Variants in SYNDIG1 observed in about 807,000 individuals in gnomAD.
SYNDIG1 encodes synapse differentiation-inducing gene protein 1.
Under a neutral mutation model 19.4 loss-of-function variants are expected in SYNDIG1, and 9 were observed. The observed-to-expected ratio is 0.46, with a 90% CI of 0.28 to 0.81. SYNDIG1 has a LOEUF of 0.81. Ranked by LOEUF, SYNDIG1 falls within the 30% of genes least tolerant of loss-of-function variation. The pLI is 0.12. For missense variants in SYNDIG1, 311 were observed against 343.3 expected, an observed-to-expected ratio of 0.91 and a Z score of 0.74; for synonymous variants, 141 against 145.9, an observed-to-expected ratio of 0.97 and a Z score of 0.24.
rs117068747 is a variant in SYNDIG1 at position 24,642,230 on chromosome 20, G to A, written c.619-23116G>A. 5.3e-3 allele frequency among the ~76,000 whole-genome samples: 810 copies of A among 152,238 alleles called. 1 individual carries two copies. The highest frequency in any genetic ancestry group is 0.014 in the Middle Eastern group (4 of 294). ...TTGCAGAGCACTGATCGGGTACATC[G>A]TGGGAGGCCCCACTGTTGAGATTGG... is the stretch of plus-strand genomic sequence containing the variant. On this transcript the variant is annotated intron_variant, in intron 3 of 3. Coordinates refer to ENST00000376862, the MANE Select transcript of SYNDIG1 (RefSeq NM_024893.3).
At chr20:24,505,291 G>C (rs2056560847) in intron 1 of SYNDIG1, among the ~76,000 whole-genome samples, 1 of 152,160 alleles carries the variant, frequency 6.6e-6, no homozygotes, top group Admixed American at 6.5e-5. Flanking sequence ...GAGCCCTGGG[G>C]AAATTCTCTC....
intron 1 of SYNDIG1, among the ~76,000 whole-genome samples, chr20:24,536,416 G>A (rs1043273297): frequency 1.3e-5 from 2 of 152,226 alleles, no homozygotes; most frequent in South Asian, 2.1e-4. Context: ...CACTGAATAT[G>A]TCATTGCCAC....
intron 3 of SYNDIG1, among the ~76,000 whole-genome samples, chr20:24,599,968 G>T (rs2058654969): frequency 6.6e-6 from 1 of 152,108 alleles, no homozygotes; most frequent in South Asian, 2.1e-4. Flanking sequence ...TCCAGAAGAT[G>T]GACACCTTAA....
intron 3 of SYNDIG1, among the ~76,000 whole-genome samples, chr20:24,613,373 C>T (rs774678050): frequency 9.2e-5 from 14 of 152,278 alleles, no homozygotes; most frequent in Admixed American, 2.0e-4. Context: ...TCTGTCCTGC[C>T]GTCTCCCTGA....
At chr20:24,537,697 A>G (rs2057389199) in intron 1 of SYNDIG1, among the ~76,000 whole-genome samples, 1 of 152,128 alleles carries the variant, frequency 6.6e-6, no homozygotes, top group Admixed American at 6.5e-5. Context: ...CTGCTGTCCC[A>G]CATCCCATGA....
chr20:24,661,553 A>C (rs2059602044), intron 3 of SYNDIG1, among the ~76,000 whole-genome samples: 2 of 50,702 alleles, frequency 3.9e-5, no homozygotes, highest in Non-Finnish European at 8.1e-5. Flanking sequence ...GGGAGGGAGG[A>C]AAAAAGAGAG....
chr20:24,555,786 T>C (rs1355704224), intron 2 of SYNDIG1, among the ~76,000 whole-genome samples: 1 of 152,180 alleles, frequency 6.6e-6, no homozygotes, highest in Non-Finnish European at 1.5e-5. Context: ...ATTCTGTTGA[T>C]TTGGGGTGGA....
chr20:24,543,267 C>G lies in SYNDIG1; in HGVS notation c.170C>G (p.Thr57Arg). ...CAGAGCCACCGGGTGGGGGCCAGCA[C>G]AGTGCCGGCCAGCCTGGACAGCAGC... ...QYQSHRVGAS[T>R]VPASLDSSRS... Residue 57 changes from threonine to arginine, a missense_variant, in exon 2 of 4, where the codon ACA (threonine) becomes AGA (arginine). By Grantham distance (71) the Thr-to-Arg change is moderately conservative (BLOSUM62 -1). Coordinates refer to ENST00000376862, the MANE Select transcript of SYNDIG1 (RefSeq NM_024893.3). The G allele has an allele frequency of 6.2e-7, 1 of 1,613,700 alleles. No homozygotes were observed. The highest frequency in any genetic ancestry group is 8.5e-7 in the Non-Finnish European group (1 of 1,180,024).
intron 1 of SYNDIG1, among the ~76,000 whole-genome samples, chr20:24,534,690 A>AG (rs767246816): frequency 2.0e-5 from 3 of 152,214 alleles, no homozygotes; most frequent in Non-Finnish European, 4.4e-5. Flanking sequence ...TGCTGCGTGC[A>AG]GGGTCCCTGC....
intron 2 of SYNDIG1, among the ~76,000 whole-genome samples, chr20:24,545,431 G>A (rs2057556878): frequency 6.6e-6 from 1 of 152,130 alleles, no homozygotes; most frequent in African/African-American, 2.4e-5. Flanking sequence ...ACAGCAAAGC[G>A]TAAATGCTGC....
At chr20:24,613,139 G>T (rs916604499) in intron 3 of SYNDIG1, among the ~76,000 whole-genome samples, 2 of 152,170 alleles carry the variant, frequency 1.3e-5, no homozygotes, top group African/African-American at 2.4e-5. Context: ...CCTCCCTGTT[G>T]CTCAGATAAA....
intron 3 of SYNDIG1, among the ~76,000 whole-genome samples, chr20:24,610,409 C>T (rs766600960): frequency 6.6e-6 from 1 of 152,144 alleles, no homozygotes; most frequent in Non-Finnish European, 1.5e-5. Context: ...GATCACCCGC[C>T]GTGGGCACTC....
intron 3 of SYNDIG1, among the ~76,000 whole-genome samples, chr20:24,632,313 C>T (rs1173357237): frequency 6.6e-6 from 1 of 152,218 alleles, no homozygotes; most frequent in Non-Finnish European, 1.5e-5. Flanking sequence ...GATCACAACT[C>T]ACTGCAAACT....
intron 3 of SYNDIG1, among the ~76,000 whole-genome samples, chr20:24,605,205 G>A (rs146934865): frequency 9.2e-5 from 14 of 152,136 alleles, no homozygotes; most frequent in African/African-American, 3.4e-4. Context: ...GTTTGCCGTG[G>A]GCCCACATCT....
At chr20:24,643,922 C>A (rs2059401741) in intron 3 of SYNDIG1, among the ~76,000 whole-genome samples, 1 of 152,150 alleles carries the variant, frequency 6.6e-6, no homozygotes, top group African/African-American at 2.4e-5. Context: ...CCCCAGATTT[C>A]TCAATAGAAA....
At chr20:24,480,753 G>A (rs2055774501) in intron 1 of SYNDIG1, among the ~76,000 whole-genome samples, 4 of 152,226 alleles carry the variant, frequency 2.6e-5, no homozygotes. Context: ...GAGCGGATAA[G>A]CAAAATGTGC....
chr20:24,526,998 G>A (rs1032895281), intron 1 of SYNDIG1, among the ~76,000 whole-genome samples: 1 of 152,154 alleles, frequency 6.6e-6, no homozygotes, highest in East Asian at 1.9e-4. Flanking sequence ...TTCATGTAAT[G>A]TGTCAATGTG....
rs183307364 is a variant in SYNDIG1, at chr20:24,632,872, C to T, written c.619-32474C>T. Among the ~76,000 whole-genome samples, 26 of 151,720 alleles carry T rather than the reference C, an allele frequency of 1.7e-4. No individual in the cohort carries two copies. The South Asian group carries it at 3.8e-3, about 22-fold the overall frequency. On this transcript the variant is annotated intron_variant, in intron 3 of 3. Coordinates refer to ENST00000376862, the MANE Select transcript of SYNDIG1 (RefSeq NM_024893.3). Reference sequence around the variant, plus strand: ...TTTCCTCCCTTCTGGAATAAATTCGCGAGAAGCTGAAACAGAACTTGAAAT... The same window carrying T: ...TTTCCTCCCTTCTGGAATAAATTCGTGAGAAGCTGAAACAGAACTTGAAAT...
At chr20:24,626,527 G>A (rs1051787349) in intron 3 of SYNDIG1, among the ~76,000 whole-genome samples, 4 of 151,900 alleles carry the variant, frequency 2.6e-5, no homozygotes, top group African/African-American at 9.7e-5. Flanking sequence ...TGGCGGCCGG[G>A]AAGAGGCACT....
Sources: allele counts gnomAD v4.1 joint callset (sites outside exome capture counted in the v4.1 genomes callset), GRCh38; gene constraint gnomAD v4.1.1; transcripts MANE v1.5; gene names NCBI Gene and HGNC (gene_info 2026-07-23, HGNC 2026-07-21).